The following RABGAP1L variants were observed in gnomAD, a reference collection of about 807,000 sequenced individuals.
RABGAP1L encodes the protein RAB GTPase activating protein 1 like.
A neutral mutation model predicts 137.7 loss-of-function variants in RABGAP1L; 63 were observed. The observed-to-expected ratio is 0.46, with a 90% confidence interval of 0.37 to 0.56. RABGAP1L has a LOEUF of 0.56. Ranked by LOEUF, RABGAP1L falls within the 20% of genes least tolerant of loss-of-function variation. The pLI is 0.00. For synonymous variants in RABGAP1L, 431 were observed against 433.7 expected (o/e 0.99, Z 0.08); for missense variants, 1,095 against 1,244.0 (o/e 0.88, Z 1.80).
intron 13 of RABGAP1L, among the ~76,000 whole-genome samples, chr1:174,531,727 T>G: frequency 8.2e-6 from 1 of 122,070 alleles, no homozygotes; most frequent in African/African-American, 2.8e-5. Flanking sequence ...CCAGGAAATA[T>G]GGTGAGATAC....
intron 19 of RABGAP1L, among the ~76,000 whole-genome samples, chr1:174,865,599 G>T (rs1651066957): frequency 6.6e-6 from 1 of 151,876 alleles, no homozygotes; most frequent in Non-Finnish European, 1.5e-5. Context: ...TTTTAATGGA[G>T]TATCTTCAGT....
At chr1:174,204,070 C>T (rs1307003820) in intron 1 of RABGAP1L, among the ~76,000 whole-genome samples, 2 of 151,932 alleles carry the variant, frequency 1.3e-5, no homozygotes, top group African/African-American at 4.8e-5. Context: ...TGTGTGTCAA[C>T]CTCCTGAATA....
rs768992873 is a variant in RABGAP1L, at chr1:174,241,611, C to T, written c.671C>T (p.Ser224Leu). 2.1e-5 allele frequency: 34 copies of T among 1,613,296 alleles called. No homozygotes were observed. The highest frequency in any genetic ancestry group is 1.6e-4 in the Middle Eastern group (1 of 6,080). ...GCATTTACAGAGAGTTCCCATGGTT[C>T]GGAAGAATTTCAGATACATGTTTTC... Reference protein sequence around the residue: ...CFAFTESSHGSEEFQIHVFSC... With the variant: ...CFAFTESSHGLEEFQIHVFSC... Residue 224 changes from serine (S) to leucine (L), a missense_variant, in exon 5 of 26, where the codon TCG (serine) becomes TTG (leucine). By Grantham distance (145) the Ser-to-Leu change is moderately radical (BLOSUM62 -2). Transcript: ENST00000681986.
chr1:174,577,127 A>G (rs926384100), intron 13 of RABGAP1L, among the ~76,000 whole-genome samples: 2 of 151,684 alleles, frequency 1.3e-5, no homozygotes, highest in Non-Finnish European at 2.9e-5. Flanking sequence ...AGAGGTTACA[A>G]TGAGCTATGA....
At chr1:174,898,244 C>T (rs1490953468) in intron 19 of RABGAP1L, among the ~76,000 whole-genome samples, 3 of 152,102 alleles carry the variant, frequency 2.0e-5, no homozygotes, top group Non-Finnish European at 4.4e-5. Context: ...GCCTGTCTTA[C>T]AGGTGGTAAA....
chr1:174,873,887 C>T (rs974990685), intron 19 of RABGAP1L, among the ~76,000 whole-genome samples: 5 of 152,308 alleles, frequency 3.3e-5, no homozygotes, highest in African/African-American at 7.2e-5. Flanking sequence ...TACTTTGCTG[C>T]ATTGGAGAGA....
At chr1:174,315,622 C>CTTTTTTTTTTTTTTTTTTTTTTTTTTTT (rs35771793) in intron 11 of RABGAP1L, among the ~76,000 whole-genome samples, 1 of 132,712 alleles carries the variant, frequency 7.5e-6, no homozygotes, top group African/African-American at 2.7e-5. Context: ...CATTTCTTGC[C>CTTTTTTTTTTTTTTTTTTTTTTTTTTTT]TTTTTTTTTT....
intron 11 of RABGAP1L, among the ~76,000 whole-genome samples, chr1:174,317,779 C>A (rs1679526091): frequency 6.6e-6 from 1 of 152,186 alleles, no homozygotes; most frequent in African/African-American, 2.4e-5. Flanking sequence ...AGCACTGTAG[C>A]CCTTGGTGGC....
rs192299964 is a variant in RABGAP1L, at chr1:174,223,527, A to C, written c.331+2363A>C. Among the ~76,000 whole-genome samples the C allele has an allele frequency of 4.0e-5, 6 of 151,820 alleles. No homozygotes were observed. In the East Asian group the frequency reaches 1.2e-3, roughly 29 times the overall value. The stretch of plus-strand genomic sequence containing the variant: ...AAATAAAATTGCCATTCATAATACC[A>C]ACAAAAATAATAGGTAACAAGGAAG... On this transcript the variant is annotated intron_variant, in intron 3 of 25. Coordinates refer to ENST00000681986, the MANE Select transcript of RABGAP1L (RefSeq NM_001366446.1).
intron 13 of RABGAP1L, among the ~76,000 whole-genome samples, chr1:174,400,482 C>T (rs776311741): frequency 1.6e-4 from 25 of 151,938 alleles, no homozygotes; most frequent in Admixed American, 3.3e-4. Context: ...AAATTTTTTC[C>T]CTCCTAAGAG....
At chr1:174,877,513 A>G (rs1653335311) in intron 19 of RABGAP1L, 3 of 1,614,086 alleles carry the variant, frequency 1.9e-6, no homozygotes, top group African/African-American at 1.3e-5. Context: ...AGAAATCTCC[A>G]TTATGGTAGC....
At chr1:174,956,104 C>T (rs1456009883) in intron 19 of RABGAP1L, among the ~76,000 whole-genome samples, 2 of 152,144 alleles carry the variant, frequency 1.3e-5, no homozygotes, top group African/African-American at 4.8e-5. Context: ...TTAGATACCT[C>T]TCTGTTAACT....
intron 19 of RABGAP1L, among the ~76,000 whole-genome samples, chr1:174,929,877 G>T (rs1360760842): frequency 7.4e-6 from 1 of 135,630 alleles, no homozygotes; most frequent in African/African-American, 2.9e-5. Context: ...TTGAGATAGG[G>T]TCTTGCTCTG....
intron 1 of RABGAP1L, among the ~76,000 whole-genome samples, chr1:174,195,191 T>C (rs1667480371): frequency 6.6e-6 from 1 of 152,208 alleles, no homozygotes; most frequent in African/African-American, 2.4e-5. Context: ...AGTTTAAGGG[T>C]TGATCCATTA....
chr1:174,426,455 A>G lies in RABGAP1L; in HGVS notation c.1710+32310A>G, dbSNP rs185133117. 1.2e-3 allele frequency among the ~76,000 whole-genome samples: 189 copies of G among 152,172 alleles called. 1 individual carries two copies. The highest frequency in any genetic ancestry group is 4.4e-3 in the African/African-American group (183 of 41,564). On this transcript the variant is annotated intron_variant, in intron 13 of 25. Transcript: ENST00000681986. ...TCCTAAAATTTTCCAAAACTTTTCTATTACAAATACGTCTTAATATATGTC... is the reference window on the plus strand; with the variant it reads ...TCCTAAAATTTTCCAAAACTTTTCTGTTACAAATACGTCTTAATATATGTC...
chr1:174,204,101 C>T (rs1296768688), intron 1 of RABGAP1L, among the ~76,000 whole-genome samples: 2 of 152,090 alleles, frequency 1.3e-5, no homozygotes, highest in African/African-American at 4.8e-5. Flanking sequence ...CAGGCATGTG[C>T]CACCATGCCC....
At chr1:174,320,499 C>T (rs1027495561) in intron 11 of RABGAP1L, among the ~76,000 whole-genome samples, 1 of 152,132 alleles carries the variant, frequency 6.6e-6, no homozygotes, top group African/African-American at 2.4e-5. Flanking sequence ...TGGGTTATTT[C>T]TAGCTACTGG....
At chr1:174,827,787 C>G (rs762977613) in intron 19 of RABGAP1L, among the ~76,000 whole-genome samples, 1 of 147,666 alleles carries the variant, frequency 6.8e-6, no homozygotes, top group African/African-American at 2.5e-5. Flanking sequence ...CCTTACATAC[C>G]CTGTTCTAGT....
In RABGAP1L at chr1:174,832,232, G is replaced by T. The variant is rs929703865; in HGVS notation, c.2340+20272G>T. 1.7e-4 allele frequency among the ~76,000 whole-genome samples: 25 copies of T among 146,866 alleles called. 6 individuals are homozygous for T. In the East Asian group the frequency reaches 5.3e-3, roughly 31 times the overall value. The stretch of plus-strand genomic sequence containing the variant: ...CGCTTGAACCCGGGAGGTGGAGGTT[G>T]CAGTGAGCCGAGATCGTGCCACTAC... On this transcript the variant is annotated intron_variant, in intron 19 of 25. Coordinates refer to ENST00000681986, the MANE Select transcript of RABGAP1L (RefSeq NM_001366446.1).
Sources: gnomAD v4.1 joint callset for allele counts (sites outside exome capture counted in the v4.1 genomes callset) on GRCh38, gnomAD v4.1.1 for gene constraint, MANE v1.5 for transcripts, NCBI Gene and HGNC (gene_info 2026-07-23, HGNC 2026-07-21) for gene names.